The following JMJD1C variants were observed in gnomAD, a reference collection of about 807,000 sequenced individuals.
JMJD1C encodes the protein jumonji domain-containing protein 1C.
A neutral mutation model predicts 245.3 loss-of-function variants in JMJD1C; 31 were observed. The ratio of observed to expected loss-of-function variants is 0.13; its 90% CI spans 0.09 to 0.17. The LOEUF (loss-of-function observed/expected upper bound fraction) is 0.17. Ranked by LOEUF, JMJD1C falls within the 10% of genes least tolerant of loss-of-function variation. The pLI, the probability that JMJD1C is intolerant of heterozygous loss-of-function variation, is 1.00. For missense variants in JMJD1C, 2,691 were observed against 3,000.2 expected, an observed-to-expected ratio of 0.90 and a Z score of 2.41; for synonymous variants, 1,057 against 1,017.4, an observed-to-expected ratio of 1.04 and a Z score of -0.74.
chr10:63,326,936 C>A (rs188181868), intron 2 of JMJD1C, among the ~76,000 whole-genome samples: 1 of 152,278 alleles, frequency 6.6e-6, no homozygotes, highest in East Asian at 1.9e-4. Context: ...CCTGTAATCC[C>A]AGCAGTTTGG....
intron 3 of JMJD1C, among the ~76,000 whole-genome samples, chr10:63,232,039 T>C (rs866421206): frequency 8.5e-5 from 13 of 152,242 alleles, no homozygotes; most frequent in Middle Eastern, 6.8e-3. Flanking sequence ...GGTTTCACCA[T>C]GTTGGCCAGG....
At chr10:63,396,509 G>A (rs772807915) in intron 1 of JMJD1C, among the ~76,000 whole-genome samples, 9 of 152,190 alleles carry the variant, frequency 5.9e-5, no homozygotes, top group Non-Finnish European at 1.2e-4. Context: ...GCCAACTTGA[G>A]ATTAAAGACA....
chr10:63,432,039 T>C (rs2132847954), intron 1 of JMJD1C, among the ~76,000 whole-genome samples: 1 of 152,194 alleles, frequency 6.6e-6, no homozygotes, highest in Non-Finnish European at 1.5e-5. Context: ...AAACTCACTT[T>C]TGTAACTGTT....
rs1374050471 is a variant in JMJD1C at position 63,359,866 on chromosome 10, G to C, written c.333+20452C>G. 2.0e-5 allele frequency among the ~76,000 whole-genome samples: 3 copies of C among 152,058 alleles called. No homozygotes were observed. In the East Asian group the frequency reaches 5.8e-4, roughly 29 times the overall value. On this transcript the variant is annotated intron_variant, in intron 2 of 25. Transcript: ENST00000399262. ...TCCATATGGTAACCCGGTACTTTTA[G>C]ATTCAAGAGAATTAAAAAGATTGGA...
At chr10:63,226,074 C>T (rs530001802) in intron 3 of JMJD1C, among the ~76,000 whole-genome samples, 13 of 144,952 alleles carry the variant, frequency 9.0e-5, no homozygotes, top group Non-Finnish European at 1.5e-4. Context: ...AAATTTGACA[C>T]ATTTCTTTAT....
chr10:63,425,059 G>A (rs1589723687), intron 1 of JMJD1C, among the ~76,000 whole-genome samples: 1 of 152,000 alleles, frequency 6.6e-6, no homozygotes, highest in East Asian at 1.9e-4. Context: ...TAGAACTACA[G>A]GACACAGGCA....
chr10:63,416,977 G>T (rs1252183736), intron 1 of JMJD1C, among the ~76,000 whole-genome samples: 2 of 152,068 alleles, frequency 1.3e-5, no homozygotes, highest in Non-Finnish European at 2.9e-5. Flanking sequence ...ATCTAACAGT[G>T]GGTCACTAAG....
At chr10:63,427,322 GCGT>G in intron 1 of JMJD1C, 5 of 1,018,352 alleles carry the variant, frequency 4.9e-6, no homozygotes, top group South Asian at 2.8e-5. Flanking sequence ...CTGGGCCAGG[GCGT>G]GCTCCAGAGT....
intron 3 of JMJD1C, among the ~76,000 whole-genome samples, chr10:63,250,432 G>T (rs1852900815): frequency 6.6e-6 from 1 of 152,064 alleles, no homozygotes; most frequent in South Asian, 2.1e-4. Flanking sequence ...GCAGTTCAAC[G>T]CTCATTTATA....
chr10:63,308,475 GAC>G (rs1938607901), intron 2 of JMJD1C, among the ~76,000 whole-genome samples: 1 of 151,900 alleles, frequency 6.6e-6, no homozygotes, highest in Non-Finnish European at 1.5e-5. Flanking sequence ...CACGAACAAA[GAC>G]AGAGACAAAA....
At chr10:63,387,178 T>C (rs910628118) in intron 1 of JMJD1C, among the ~76,000 whole-genome samples, 17 of 152,166 alleles carry the variant, frequency 1.1e-4, no homozygotes, top group African/African-American at 4.1e-4. Context: ...ATTCCTCCCC[T>C]ATGAAAGGAA....
At chr10:63,361,734 A>G (rs148029751) in intron 2 of JMJD1C, among the ~76,000 whole-genome samples, 51,544 of 139,904 alleles carry the variant, frequency 0.37, 9,444 homozygotes, top group South Asian at 0.5. Flanking sequence ...AAAAAAAAAA[A>G]AAAAAAAAAA....
At chr10:63,346,286 A>T (rs1046536032) in intron 2 of JMJD1C, among the ~76,000 whole-genome samples, 2 of 152,216 alleles carry the variant, frequency 1.3e-5, no homozygotes, top group Non-Finnish European at 2.9e-5. Flanking sequence ...GAAGCAACTA[A>T]AATAAAGCCA....
chr10:63,457,482 C>T (rs1194031986), intron 1 of JMJD1C, among the ~76,000 whole-genome samples: 1 of 152,006 alleles, frequency 6.6e-6, no homozygotes, highest in Non-Finnish European at 1.5e-5. Context: ...AATTATGCAA[C>T]ATAGTACAAG....
chr10:63,353,640 G>A (rs558892063), intron 2 of JMJD1C, among the ~76,000 whole-genome samples: 17 of 148,218 alleles, frequency 1.1e-4, no homozygotes, highest in South Asian at 2.2e-4. Flanking sequence ...CTCAGCCTCC[G>A]GAGTAGCTGA....
intron 2 of JMJD1C, among the ~76,000 whole-genome samples, chr10:63,377,370 ACTCAAAAACAGT>A (rs1554909443): frequency 1.3e-5 from 2 of 152,200 alleles, no homozygotes; most frequent in Non-Finnish European, 2.9e-5. Flanking sequence ...TGACCCGTGT[ACTCAAAAACAGT>A]TAAAATGGCA....
intron 1 of JMJD1C, among the ~76,000 whole-genome samples, chr10:63,513,984 C>T (rs1954946616): frequency 6.6e-6 from 1 of 152,056 alleles, no homozygotes; most frequent in Admixed American, 6.5e-5. Flanking sequence ...TGAACAGACA[C>T]TTCTCAAAAG....
chr10:63,479,924 G>A (rs1413100194), intron 1 of JMJD1C, among the ~76,000 whole-genome samples: 1 of 152,120 alleles, frequency 6.6e-6, no homozygotes, highest in African/African-American at 2.4e-5. Flanking sequence ...ACCAAAAACA[G>A]GGAAGAGATT....
chr10:63,301,572 C>T (rs935471685), intron 2 of JMJD1C, among the ~76,000 whole-genome samples: 1 of 152,156 alleles, frequency 6.6e-6, no homozygotes, highest in Non-Finnish European at 1.5e-5. Flanking sequence ...GAAAACCAAA[C>T]ACCGCGTGTT....
Sources: allele counts gnomAD v4.1 joint callset (sites outside exome capture counted in the v4.1 genomes callset), GRCh38; gene constraint gnomAD v4.1.1; transcripts MANE v1.5; gene names NCBI Gene and HGNC (gene_info 2026-07-23, HGNC 2026-07-21).